The following ATPAF1 variants were observed in gnomAD, a reference collection of about 807,000 sequenced individuals.
ATPAF1 encodes ATP synthase mitochondrial F1 complex assembly factor 1, also known as homolog of yeast ATP11.
A neutral mutation model predicts 43.9 loss-of-function variants in ATPAF1; 26 were observed. That is an observed-to-expected ratio of 0.59 (90% CI 0.43 to 0.82). ATPAF1 has a LOEUF of 0.82. Ranked by LOEUF, ATPAF1 falls within the 40% of genes least tolerant of loss-of-function variation. ATPAF1 has a pLI of 0.00. For missense variants in ATPAF1, 366 were observed against 435.0 expected, an observed-to-expected ratio of 0.84 and a Z score of 1.41; for synonymous variants, 157 against 168.0, an observed-to-expected ratio of 0.93 and a Z score of 0.50.
intron 8 of ATPAF1, 150 bp downstream of exon 8, chr1:46,643,044 A>C: frequency 1.5e-6 from 1 of 658,450 alleles, no homozygotes; most frequent in East Asian, 2.8e-5. Context: ...GAAGATCTTG[A>C]GCAAGACAAC....
At chr1:46,636,058 C>A (rs778188423) in intron 8 of ATPAF1, 88 bp from the exon 9 acceptor site, 1 of 1,420,816 alleles carries the variant, frequency 7.0e-7, no homozygotes, top group Non-Finnish European at 9.8e-7. Context: ...GGGCCCTCGC[C>A]CAGGAGTCAC....
At position 46,668,152 on chromosome 1, in the gene ATPAF1, C is replaced by A. The variant is rs764515501; in HGVS notation, c.171G>T (p.Glu57Asp). 4 of 1,404,194 alleles carry A rather than the reference C, an allele frequency of 2.8e-6. No homozygotes were observed. The highest frequency in any genetic ancestry group is 3.2e-5 in the Admixed American group (1 of 31,488). 87.0% of individuals were successfully genotyped at this position (1,404,194 alleles called of 1,614,324 possible). A position where few individuals can be genotyped will look rare whatever the true frequency, so the allele number is the denominator to read the frequency against. Residue 57 changes from glutamate (E) to aspartate (D), a missense_variant, in exon 1 of 9, where the codon GAG becomes GAT. This residue lies in a region of ATPAF1 where 186 missense variants were observed against 168.5 expected (regional missense o/e 1.10). Transcript: ENST00000574428. The surrounding 1 kb of genome is among the most constrained non-coding windows in gnomAD (Gnocchi z 4.4). ...CGACCCCGCTGCTGTCGGCGCCCCC[C>A]TCGGGCCGGCCCGAGCCGGGGCGCA...
intron 1 of ATPAF1, chr1:46,665,750 C>A: frequency 6.6e-7 from 1 of 1,517,336 alleles, no homozygotes; most frequent in South Asian, 1.2e-5. Flanking sequence ...TGAATACATC[C>A]AGTTCTTGAA....
At chr1:46,649,264 A>T (rs1676119477) in intron 6 of ATPAF1, among the ~76,000 whole-genome samples, 1 of 151,790 alleles carries the variant, frequency 6.6e-6, no homozygotes, top group African/African-American at 2.4e-5. Context: ...CATGATATTC[A>T]ATTGTTTTAG....
intron 2 of ATPAF1, among the ~76,000 whole-genome samples, chr1:46,661,312 A>C (rs1326950250): frequency 6.6e-6 from 1 of 152,052 alleles, no homozygotes; most frequent in Non-Finnish European, 1.5e-5. Flanking sequence ...CCTGACCTCA[A>C]GTGATCTGCC....
At chr1:46,650,362 T>TAA (rs1676141050) in intron 6 of ATPAF1, among the ~76,000 whole-genome samples, 2 of 130,240 alleles carry the variant, frequency 1.5e-5, no homozygotes, top group African/African-American at 7.1e-5. Context: ...CATCTCTAAA[T>TAA]GAAAAAAAAA....
chr1:46,637,415 T>C (rs1173337720), intron 8 of ATPAF1, among the ~76,000 whole-genome samples: 1 of 152,030 alleles, frequency 6.6e-6, no homozygotes, highest in Non-Finnish European at 1.5e-5. Flanking sequence ...GAGATGGGGG[T>C]TAGAACACGG....
At chr1:46,661,038 A>G (rs1209945055) in intron 2 of ATPAF1, among the ~76,000 whole-genome samples, 2 of 151,690 alleles carry the variant, frequency 1.3e-5, no homozygotes, top group Non-Finnish European at 2.9e-5. Flanking sequence ...TTGTGGAATC[A>G]TAGGTCACTG....
In ATPAF1 at chr1:46,636,042, G is replaced by C. The variant is rs528556133; in HGVS notation, c.793-72C>G. 10 of 1,552,838 alleles carry C rather than the reference G, an allele frequency of 6.4e-6. No individual in the cohort carries two copies. In the East Asian group the frequency reaches 2.2e-4, roughly 35 times the overall value. On this transcript the variant is annotated intron_variant, in intron 8 of 8. Coordinates refer to ENST00000574428, the Ensembl canonical transcript of ATPAF1. Reference sequence around the variant, plus strand: ...AAAGCTCTTGTCTGAATTGTGTGGTGGGTGGGGGCCCTCGCCCAGGAGTCA... The same window carrying C: ...AAAGCTCTTGTCTGAATTGTGTGGTCGGTGGGGGCCCTCGCCCAGGAGTCA...
At chr1:46,638,195 C>G (rs1675875810) in intron 8 of ATPAF1, among the ~76,000 whole-genome samples, 1 of 152,194 alleles carries the variant, frequency 6.6e-6, no homozygotes, top group Middle Eastern at 3.2e-3. Context: ...CACTGCTGTT[C>G]AAACTATTCT....
intron 4 of ATPAF1, among the ~76,000 whole-genome samples, chr1:46,657,486 T>C (rs557729122): frequency 2.0e-5 from 3 of 152,308 alleles, no homozygotes; most frequent in African/African-American, 7.2e-5. Context: ...AGGTTCCTAA[T>C]ACATTTTTTT....
At chr1:46,635,585 A>G in exon 9 of ATPAF1, 1 of 566,872 alleles carries the variant, frequency 1.8e-6, no homozygotes, top group Admixed American at 3.2e-5. Flanking sequence ...AATTATCAGA[A>G]TGTTCAGGTA....
chr1:46,637,347 T>G (rs1420888949), intron 8 of ATPAF1, among the ~76,000 whole-genome samples: 4 of 152,048 alleles, frequency 2.6e-5, no homozygotes, highest in African/African-American at 9.7e-5. Flanking sequence ...GCCAGCACAC[T>G]CCAGCCTGGG....
chr1:46,668,334 C>T lies in ATPAF1; in HGVS notation c.-12G>A. 2 of 1,329,890 alleles carry T rather than the reference C, an allele frequency of 1.5e-6. No individual in the cohort carries two copies. The highest frequency in any genetic ancestry group is 1.9e-6 in the Non-Finnish European group (2 of 1,036,538). 82.4% of individuals were successfully genotyped at this position (1,329,890 alleles called of 1,614,324 possible). A position where few individuals can be genotyped will look rare whatever the true frequency, so the allele number is the denominator to read the frequency against. Reference sequence around the variant, plus strand: ...ACCACAGCAGCCATGGCCGCCCCCGCCTCCTCCTCCTCCTCAGGCGCGTCG... The same window carrying T: ...ACCACAGCAGCCATGGCCGCCCCCGTCTCCTCCTCCTCCTCAGGCGCGTCG... On this transcript the variant is annotated 5_prime_UTR_variant, in exon 1 of 9. Coordinates refer to ENST00000574428, the Ensembl canonical transcript of ATPAF1. The surrounding 1 kb of genome is among the most constrained non-coding windows in gnomAD (Gnocchi z 4.4).
chr1:46,638,120 A>G lies in ATPAF1; in HGVS notation c.793-2150T>C, dbSNP rs78648587. On this transcript the variant is annotated intron_variant, in intron 8 of 8. Coordinates refer to ENST00000574428, the Ensembl canonical transcript of ATPAF1. ...AGCCCCTGGCTACAGGGCCTCTGAC[A>G]TCAACTTTTATCTGAAGCTTGGGGT... 4.2e-3 allele frequency among the ~76,000 whole-genome samples: 642 copies of G among 152,340 alleles called. 1 individual carries two copies. The highest frequency in any genetic ancestry group is 0.014 in the African/African-American group (590 of 41,580).
At chr1:46,641,083 A>G (rs1675941383) in intron 8 of ATPAF1, among the ~76,000 whole-genome samples, 1 of 151,628 alleles carries the variant, frequency 6.6e-6, no homozygotes, top group African/African-American at 2.4e-5. Flanking sequence ...TTATTTTATT[A>G]TTATTATTTT....
chr1:46,665,440 C>A, intron 1 of ATPAF1, 76 bp from the exon 2 acceptor site: 1 of 1,473,048 alleles, frequency 6.8e-7, no homozygotes, highest in Non-Finnish European at 9.3e-7. Context: ...CACTTTCCAC[C>A]TCTACAGAGA....
intron 4 of ATPAF1, among the ~76,000 whole-genome samples, chr1:46,657,391 A>G (rs1339955096): frequency 6.6e-6 from 1 of 152,174 alleles, no homozygotes; most frequent in East Asian, 1.9e-4. Flanking sequence ...AGTGTTCAGG[A>G]AGCTTCCTGA....
At chr1:46,636,701 G>C (rs992398152) in intron 8 of ATPAF1, among the ~76,000 whole-genome samples, 1 of 151,368 alleles carries the variant, frequency 6.6e-6, no homozygotes, top group African/African-American at 2.4e-5. Context: ...AGGATTGCTT[G>C]AGCCTGTCTG....
Sources: allele counts gnomAD v4.1 joint callset (sites outside exome capture counted in the v4.1 genomes callset), GRCh38; gene constraint gnomAD v4.1.1; regional missense constraint gnomAD v4.1.1; non-coding constraint Gnocchi (gnomAD v3.1); transcripts MANE v1.5; gene names NCBI Gene and HGNC (gene_info 2026-07-23, HGNC 2026-07-21).